The following RARB variants were observed in gnomAD, a reference collection of about 807,000 sequenced individuals.
RARB encodes HBV-activated protein.
Under a neutral mutation model 51.9 loss-of-function variants are expected in RARB, and 17 were observed. The observed-to-expected ratio is 0.33, with a 90% CI of 0.22 to 0.49. The LOEUF (loss-of-function observed/expected upper bound fraction) is 0.49, where lower values mean the gene tolerates loss of function less well. RARB is among the 20% of genes least tolerant of loss of function. RARB has a pLI of 0.99. For synonymous variants in RARB, 215 were observed against 195.4 expected (o/e 1.10, Z -0.84); for missense variants, 369 against 550.8 (o/e 0.67, Z 3.30).
At chr3:25,522,386 T>C (rs1698440745) in intron 3 of RARB, among the ~76,000 whole-genome samples, 1 of 152,152 alleles carries the variant, frequency 6.6e-6, no homozygotes, top group Non-Finnish European at 1.5e-5. Context: ...TAGGTGGCAA[T>C]ATACACCCAT....
At chr3:25,121,694 T>C (rs767254239) in intron 3 of RARB, among the ~76,000 whole-genome samples, 9 of 152,218 alleles carry the variant, frequency 5.9e-5, no homozygotes, top group Non-Finnish European at 1.3e-4. Flanking sequence ...CAGTAACTTG[T>C]ACATAGGAGG....
intron 5 of RARB, among the ~76,000 whole-genome samples, chr3:25,241,415 T>C (rs373860945): frequency 3.2e-4 from 48 of 152,266 alleles, no homozygotes; most frequent in African/African-American, 1.1e-3. Context: ...GCTGCACCCA[T>C]CACCCCATCA....
intron 2 of RARB, among the ~76,000 whole-genome samples, chr3:24,888,291 T>C (rs1403332421): frequency 6.6e-6 from 1 of 152,212 alleles, no homozygotes; most frequent in Admixed American, 6.5e-5. Flanking sequence ...AAATGTTTTA[T>C]ATATATTGAT....
At chr3:25,286,295 A>G (rs573066305) in intron 5 of RARB, among the ~76,000 whole-genome samples, 3 of 152,042 alleles carry the variant, frequency 2.0e-5, no homozygotes, top group South Asian at 2.1e-4. Flanking sequence ...TCACCGTGTT[A>G]GCCAGGATGG....
intron 5 of RARB, among the ~76,000 whole-genome samples, chr3:25,182,328 G>T (rs1035912656): frequency 7.9e-5 from 12 of 152,318 alleles, no homozygotes; most frequent in Admixed American, 2.6e-4. Context: ...TGCAACACCA[G>T]AACCAGCAAT....
chr3:24,829,437 T>A (rs1702250420), intron 1 of RARB, among the ~76,000 whole-genome samples: 1 of 152,138 alleles, frequency 6.6e-6, no homozygotes, highest in South Asian at 2.1e-4. Context: ...CGGGTCTTCC[T>A]GTTGGGTGGC....
intron 5 of RARB, among the ~76,000 whole-genome samples, chr3:25,363,480 T>C (rs1048043470): frequency 3.3e-5 from 5 of 152,148 alleles, no homozygotes; most frequent in African/African-American, 1.2e-4. Context: ...CAACTTCATC[T>C]TTCCAGTTGC....
intron 2 of RARB, among the ~76,000 whole-genome samples, chr3:24,960,872 A>G (rs1240471939): frequency 2.0e-5 from 3 of 152,158 alleles, no homozygotes; most frequent in Non-Finnish European, 2.9e-5. Context: ...ACATCCACAT[A>G]AAAATGTTTG....
chr3:24,987,978 T>G (rs1490478712), intron 2 of RARB, among the ~76,000 whole-genome samples: 1 of 145,554 alleles, frequency 6.9e-6, no homozygotes, highest in East Asian at 2.0e-4. Flanking sequence ...TTTTTTTTTT[T>G]CCAGTTCTCA....
intron 2 of RARB, among the ~76,000 whole-genome samples, chr3:24,988,226 T>A (rs1360283104): frequency 5.3e-5 from 8 of 152,212 alleles, no homozygotes; most frequent in Admixed American, 3.3e-4. Context: ...ACGAATATAC[T>A]TGTTGACCAT....
chr3:25,276,100 G>T (rs1256807103), intron 5 of RARB, among the ~76,000 whole-genome samples: 1 of 152,178 alleles, frequency 6.6e-6, no homozygotes, highest in South Asian at 2.1e-4. Context: ...ACATCATGGG[G>T]ATAGTGTAAG....
At chr3:24,913,599 C>T (rs1245484374) in intron 2 of RARB, among the ~76,000 whole-genome samples, 1 of 152,082 alleles carries the variant, frequency 6.6e-6, no homozygotes, top group East Asian at 1.9e-4. Context: ...CTACTTGTAT[C>T]TATCTCAATT....
chr3:24,943,703 G>A (rs1336331663), intron 2 of RARB, among the ~76,000 whole-genome samples: 1 of 152,136 alleles, frequency 6.6e-6, no homozygotes, highest in Non-Finnish European at 1.5e-5. Flanking sequence ...AATATTTTAA[G>A]GTGCCATTTT....
chr3:25,112,915 T>C (rs1163354783), intron 3 of RARB, among the ~76,000 whole-genome samples: 1 of 152,210 alleles, frequency 6.6e-6, no homozygotes, highest in African/African-American at 2.4e-5. Context: ...TCTGTGTTCT[T>C]AGCTACAACC....
intron 4 of RARB, among the ~76,000 whole-genome samples, chr3:25,160,530 AAAC>A (rs367989550): frequency 3.3e-5 from 5 of 152,166 alleles, no homozygotes; most frequent in Admixed American, 2.6e-4. Context: ...TATGTGTGAA[AAAC>A]AACAACAACA....
chr3:25,356,144 T>A (rs1052063764), intron 5 of RARB, among the ~76,000 whole-genome samples: 2 of 152,126 alleles, frequency 1.3e-5, no homozygotes, highest in African/African-American at 4.8e-5. Context: ...TCTATAGCGA[T>A]GTTAGTGATT....
chr3:25,279,520 A>G (rs2125415186), intron 5 of RARB, among the ~76,000 whole-genome samples: 1 of 152,262 alleles, frequency 6.6e-6, no homozygotes, highest in African/African-American at 2.4e-5. Flanking sequence ...GGATCTTTTA[A>G]TTGTACAAAA....
At chr3:25,276,125 A>G (rs1365869785) in intron 5 of RARB, among the ~76,000 whole-genome samples, 1 of 152,222 alleles carries the variant, frequency 6.6e-6, no homozygotes, top group Non-Finnish European at 1.5e-5. Context: ...AAATGAGGCA[A>G]TTCATGTAAA....
At chr3:25,534,644 A>G (rs1399316057) in intron 3 of RARB, among the ~76,000 whole-genome samples, 2 of 152,178 alleles carry the variant, frequency 1.3e-5, no homozygotes, top group Non-Finnish European at 2.9e-5. Flanking sequence ...GACACAGGTC[A>G]TAGTTTTTGT....
Sources: gnomAD v4.1 joint callset for allele counts (sites outside exome capture counted in the v4.1 genomes callset) on GRCh38, gnomAD v4.1.1 for gene constraint, MANE v1.5 for transcripts, NCBI Gene and HGNC (gene_info 2026-07-23, HGNC 2026-07-21) for gene names.